FLG2: variants seen among roughly 807,000 people sequenced by gnomAD.
FLG2 encodes filaggrin 2, also known as filaggrin-2.
Under a neutral mutation model 3.9 loss-of-function variants are expected in FLG2, and 7 were observed. The observed-to-expected ratio is 1.79, with a 90% CI of 1.02 to 3.36. The LOEUF (loss-of-function observed/expected upper bound fraction) is 3.36. Among genes scored for constraint, FLG2 ranks in the 30% most tolerant of loss-of-function variants. FLG2 has a pLI of 0.00. For synonymous variants in FLG2, 1,031 were observed against 1,056.1 expected (o/e 0.98, Z 0.46); for missense variants, 2,700 against 2,809.4 (o/e 0.96, Z 0.88).
rs1390142326 is a variant in FLG2, at chr1:152,356,298, C to T, written c.1488G>A (p.Gly496=). The change falls in exon 3 of 3, where the codon GGG becomes GGA. Residue 496 remains glycine, a synonymous_variant. Transcript: ENST00000388718. ...AGCCAGAGGACTGACCTGAGCCTGA[C>T]CCACATTGTCCAAAGCCAGAGGACT... The part of the protein sequence containing the change: ...SGQSSGFGQC[G]SGSGQSSGFG... 3 of 1,613,322 alleles carry T rather than the reference C, an allele frequency of 1.9e-6. No individual in the cohort carries two copies. Among genetic ancestry groups the T allele is most frequent in the East Asian group, 2.2e-5 (1 of 44,820 alleles).
chr1:152,356,823 A>C lies in FLG2; in HGVS notation c.963T>G (p.Ile321Met). ...CACAGCCATGGCCTTGTCCTCCCTTAATTCCTGACTGACAGCCTGACTGAA... is the reference window on the plus strand; with the variant it reads ...CACAGCCATGGCCTTGTCCTCCCTTCATTCCTGACTGACAGCCTGACTGAA... Reference protein sequence around the residue: ...SYIQSGCQSGIKGGQGHGCVS... With the variant: ...SYIQSGCQSGMKGGQGHGCVS... The change falls in exon 3 of 3, where the codon ATT becomes ATG. Residue 321 changes from isoleucine to methionine, a missense_variant. By Grantham distance (10) the Ile-to-Met change is conservative. Coordinates refer to ENST00000388718, the MANE Select transcript of FLG2 (RefSeq NM_001014342.3). The C allele has an allele frequency of 6.2e-7, 1 of 1,614,130 alleles. No homozygotes were observed. Among genetic ancestry groups the C allele is most frequent in the Non-Finnish European group, 8.5e-7 (1 of 1,180,026 alleles).
In FLG2 at chr1:152,355,252, T is replaced by G. The variant is rs773886247; in HGVS notation, c.2534A>C (p.Tyr845Ser). The change falls in exon 3 of 3, where the codon TAT (tyrosine) becomes TCT (serine). Residue 845 changes from tyrosine (Y) to serine (S), a missense_variant. Coordinates refer to ENST00000388718, the MANE Select transcript of FLG2 (RefSeq NM_001014342.3). ...ACTTGAGCCAGAACCATGTTGGCCATAGCTGGACTGATGTGATCTAGACTC... is the reference window on the plus strand; with the variant it reads ...ACTTGAGCCAGAACCATGTTGGCCAGAGCTGGACTGATGTGATCTAGACTC... The part of the protein sequence containing the change: ...QHESRSHQSS[Y>S]GQHGSGSSQS... The G allele has an allele frequency of 1.2e-6, 2 of 1,612,180 alleles. No homozygotes were observed. The highest frequency in any genetic ancestry group is 1.7e-5 in the Admixed American group (1 of 59,706).
At chr1:152,357,693 G>T (rs1654305703) in intron 2 of FLG2, 46 bp from the exon 3 acceptor site, 1 of 1,360,560 alleles carries the variant, frequency 7.3e-7, no homozygotes, top group East Asian at 2.3e-5. Context: ...AGCCTAACCT[G>T]CATACTCAAC....
intron 2 of FLG2, among the ~76,000 whole-genome samples, chr1:152,357,891 G>T (rs193297811): frequency 6.6e-6 from 1 of 152,290 alleles, no homozygotes; most frequent in Admixed American, 6.5e-5. Flanking sequence ...CTTAGGTAAG[G>T]CCTACAGGAA....
In FLG2 at chr1:152,355,064, A is replaced by C; in HGVS notation, c.2722T>G (p.Ser908Ala). 6.4e-7 allele frequency: 1 copy of C among 1,551,230 alleles called. No homozygotes were observed. The highest frequency in any genetic ancestry group is 8.7e-7 in the Non-Finnish European group (1 of 1,151,366). ...CTAGACTCATGTTGTCCAAAACCAG[A>C]GTATTGTCCTGAGCCAGTCCCATGT... ...GQHGTGSGQY[S>A]GFGQHESRSH... The change falls in exon 3 of 3, where the codon TCT (serine) becomes GCT (alanine). Residue 908 changes from serine to alanine, a missense_variant. Transcript: ENST00000388718.
chr1:152,352,441 T>C lies in FLG2; in HGVS notation c.5345A>G (p.His1782Arg). 6.2e-7 allele frequency: 1 copy of C among 1,612,926 alleles called. No homozygotes were observed. Among genetic ancestry groups the C allele is most frequent in the African/African-American group, 1.3e-5 (1 of 74,568 alleles). The part of the protein sequence containing the change: ...GQTGDTTRHA[H>R]SGHGQSTQTG... ...CTGTGTGGACTGTCCATGACCAGAG[T>C]GGGCATGTCTGGTGGTATCGCCTGT... Residue 1782 changes from histidine (H) to arginine (R), a missense_variant, in exon 3 of 3, where the codon CAC becomes CGC. Physicochemically the swap from His to Arg is conservative, Grantham distance 29 (BLOSUM62 0). Transcript: ENST00000388718.
In FLG2 at chr1:152,354,851, A is replaced by G. The variant is rs879093874; in HGVS notation, c.2935T>C (p.Ser979Pro). 19 of 1,604,328 alleles carry G rather than the reference A, an allele frequency of 1.2e-5. No individual in the cohort carries two copies. Among genetic ancestry groups the G allele is most frequent in the Non-Finnish European group, 1.6e-5 (19 of 1,177,312 alleles). The change falls in exon 3 of 3, where the codon TCA becomes CCA. Residue 979 changes from serine to proline, a missense_variant. Physicochemically the swap from Ser to Pro is moderately conservative, Grantham distance 74. Transcript: ENST00000388718. ...GQSSGFGQHE[S>P]GSGKSSGFGQ... Reference sequence around the variant, plus strand: ...AAGCCAGAGGATTTTCCTGAGCCTGACTCATGTTGTCCAAAGCCAGAGGAC... The same window carrying G: ...AAGCCAGAGGATTTTCCTGAGCCTGGCTCATGTTGTCCAAAGCCAGAGGAC...
Position 152,357,872 on chromosome 1 carries a change from G to T in FLG2, c.139-225C>A, listed in dbSNP as rs546831899. Among the ~76,000 whole-genome samples the T allele has an allele frequency of 2.0e-5, 3 of 152,278 alleles. 1 individual carries two copies. In the South Asian group the frequency reaches 6.2e-4, roughly 32 times the overall value. ...GACATTTCAAGGATTTAGGCTAAAG[G>T]ATTAAGTGCTTAGGTAAGGCCTACA... is the stretch of plus-strand genomic sequence containing the variant. On this transcript the variant is annotated intron_variant, in intron 2 of 2. Transcript: ENST00000388718.
chr1:152,350,950 G>C lies in FLG2; in HGVS notation c.6836C>G (p.Ala2279Gly). 6.2e-7 allele frequency: 1 copy of C among 1,613,866 alleles called. No individual in the cohort carries two copies. The highest frequency in any genetic ancestry group is 8.5e-7 in the Non-Finnish European group (1 of 1,179,930). The stretch of plus-strand genomic sequence containing the variant: ...TCCTGGCTGTCTTTGTTGAGATCCA[G>C]CTTGGCCCTGAATGTGTCCTGAATG... ...HTHSGHIQGQ[A>G]GSQQRQPGST... The change falls in exon 3 of 3, where the codon GCT (alanine) becomes GGT (glycine). Residue 2279 changes from alanine to glycine, a missense_variant. By Grantham distance (60) the Ala-to-Gly change is moderately conservative. Transcript: ENST00000388718.
Position 152,350,531 on chromosome 1 carries a change from A to G in FLG2, c.*79T>C. 4 of 1,501,086 alleles carry G rather than the reference A, an allele frequency of 2.7e-6. No homozygotes were observed. The highest frequency in any genetic ancestry group is 2.7e-5 in the South Asian group (2 of 74,850). The allele number at this position is 1,501,086 out of a possible 1,614,324, so 93.0% of individuals were successfully genotyped here. Reference sequence around the variant, plus strand: ...ACTGAATGTTCATAACTTACCATTGACTGTTCATGATTTAAACTGTGTCTT... The same window carrying G: ...ACTGAATGTTCATAACTTACCATTGGCTGTTCATGATTTAAACTGTGTCTT... On this transcript the variant is annotated 3_prime_UTR_variant, in exon 3 of 3. Transcript: ENST00000388718.
In FLG2 at chr1:152,354,969, C is replaced by A. The variant is rs750606267; in HGVS notation, c.2817G>T (p.Gly939=). 9 of 1,590,070 alleles carry A rather than the reference C, an allele frequency of 5.7e-6. No individual in the cohort carries two copies. Among genetic ancestry groups the A allele is most frequent in the African/African-American group, 1.3e-5 (1 of 74,504 alleles). Residue 939 remains glycine, a synonymous_variant, in exon 3 of 3, where the codon GGG becomes GGT. Coordinates refer to ENST00000388718, the MANE Select transcript of FLG2 (RefSeq NM_001014342.3). ...ATCCAAAAGTCTGTCCTGAACTTGA[C>A]CCATGTTGACCATAGCCAGATGACT... ...SSQSSGYGQH[G]SSSGQTFGFG...
chr1:152,354,901 C>A lies in FLG2; in HGVS notation c.2885G>T (p.Gly962Val), dbSNP rs145907775. 1 of 1,613,718 alleles carries A rather than the reference C, an allele frequency of 6.2e-7. No homozygotes were observed. Among genetic ancestry groups the A allele is most frequent in the East Asian group, 2.2e-5 (1 of 44,872 alleles). Reference sequence around the variant, plus strand: ...CTGACCTGAGCCTGATCCATGTTGGCCAAAGCCAGAGGATTGACCTGAGCC... The same window carrying A: ...CTGACCTGAGCCTGATCCATGTTGGACAAAGCCAGAGGATTGACCTGAGCC... ...RSGSGQSSGF[G>V]QHGSGSGQSS... The change falls in exon 3 of 3, where the codon GGC (glycine) becomes GTC (valine). Residue 962 changes from glycine to valine, a missense_variant. Gly to Val is a moderately radical substitution (Grantham distance 109). Transcript: ENST00000388718.
intron 2 of FLG2, 22 bp downstream of exon 2, chr1:152,358,725 A>G: frequency 6.2e-7 from 1 of 1,607,994 alleles, no homozygotes; most frequent in Non-Finnish European, 8.5e-7. Context: ...AGCAGCCTTC[A>G]GTTCTGGCAC....
Position 152,358,874 on chromosome 1 carries a change from A to T in FLG2, c.11T>A (p.Leu4His). 6.2e-7 allele frequency: 1 copy of T among 1,612,080 alleles called. No individual in the cohort carries two copies. The highest frequency in any genetic ancestry group is 8.5e-7 in the Non-Finnish European group (1 of 1,179,386). The change falls in exon 2 of 3, where the codon CTC becomes CAC. Residue 4 changes from leucine (L) to histidine (H), a missense_variant. Physicochemically the swap from Leu to His is moderately conservative, Grantham distance 99 (BLOSUM62 -3). Transcript: ENST00000388718. ...AATTACGGTGACAACACTTCTCAAG[A>T]GGTCGGTCATCTTTTTGCAAGTTTA... The part of the protein sequence containing the change: MTD[L>H]LRSVVTVIDV...
rs780299093 is a variant in FLG2 at position 152,352,019 on chromosome 1, G to T, written c.5767C>A (p.His1923Asn). ...TCAGTGGTATCTCCTGTCTGTCCAT[G>T]AGTAGTTTGGTGTCTCTTGTGAACT... ...STVHKRHQTT[H>N]GQTGDTTEHG... Residue 1923 changes from histidine (H) to asparagine (N), a missense_variant, in exon 3 of 3, where the codon CAT becomes AAT. Coordinates refer to ENST00000388718, the MANE Select transcript of FLG2 (RefSeq NM_001014342.3). 2.5e-6 allele frequency: 4 copies of T among 1,613,778 alleles called. No individual in the cohort carries two copies. The African/African-American group carries it at 5.3e-5, about 22-fold the overall frequency.
In FLG2 at chr1:152,352,793, C is replaced by A. The variant is rs1039295082; in HGVS notation, c.4993G>T (p.Val1665Phe). The change falls in exon 3 of 3, where the codon GTC becomes TTC. Residue 1665 changes from valine (V) to phenylalanine (F), a missense_variant. Transcript: ENST00000388718. ...GTGTGTCCTGTATGTGTGTGTGAGA[C>A]CCCTGAGTGCACTTCACTGTCACTG... ...ESSDSEVHSG[V>F]SHTHTGHTHG... The A allele has an allele frequency of 9.9e-6, 16 of 1,613,538 alleles. No homozygotes were observed. The highest frequency in any genetic ancestry group is 1.7e-4 in the Middle Eastern group (1 of 6,058).
At position 152,352,634 on chromosome 1, in the gene FLG2, AC is replaced by A. The variant is rs747640260; in HGVS notation, c.5151del (p.Ser1718ProfsTer45). On this transcript the variant is annotated frameshift_variant, in exon 3 of 3. Transcript: ENST00000388718. LOFTEE classifies it low-confidence loss of function (END_TRUNC). ...GATCCCCTTCTTCCAGTAGTCCTGG[AC>A]CCTGTCTGTGTGGTTAATCCATGAT... ...HYHHGLTTQT[G>X]SRTTGRRGSG... 5.9e-5 allele frequency: 95 copies of A among 1,613,102 alleles called. No individual in the cohort carries two copies. Among genetic ancestry groups the A allele is most frequent in the Non-Finnish European group, 7.5e-5 (89 of 1,179,904 alleles).
chr1:152,352,368 G>C lies in FLG2; in HGVS notation c.5418C>G (p.Tyr1806Ter). ...TGRRSSGHSE[Y>*]SDSEGHSGFS... The stretch of plus-strand genomic sequence containing the variant: ...ACCCTGAGTGCCCTTCACTGTCACT[G>C]TACTCACTGTGGCCAGATGACCTTC... Residue 1806 changes from tyrosine to a stop codon, truncating the protein, a stop_gained, in exon 3 of 3, where the codon TAC (tyrosine) becomes TAG (stop). Transcript: ENST00000388718. LOFTEE classifies it low-confidence loss of function (END_TRUNC). 6.2e-7 allele frequency: 1 copy of C among 1,613,750 alleles called. No homozygotes were observed.
At position 152,352,368 on chromosome 1, in the gene FLG2, G is replaced by A; in HGVS notation, c.5418C>T (p.Tyr1806=). ...TGRRSSGHSE[Y]SDSEGHSGFS... ...ACCCTGAGTGCCCTTCACTGTCACT[G>A]TACTCACTGTGGCCAGATGACCTTC... Residue 1806 remains tyrosine (Y), a synonymous_variant, in exon 3 of 3, where the codon TAC becomes TAT. Transcript: ENST00000388718. 6.2e-7 allele frequency: 1 copy of A among 1,613,750 alleles called. No individual in the cohort carries two copies. Among genetic ancestry groups the A allele is most frequent in the South Asian group, 1.1e-5 (1 of 91,056 alleles).
Sources: gnomAD v4.1 joint callset for allele counts (sites outside exome capture counted in the v4.1 genomes callset) on GRCh38, gnomAD v4.1.1 for gene constraint, MANE v1.5 for transcripts, NCBI Gene and HGNC (gene_info 2026-07-23, HGNC 2026-07-21) for gene names.